Variants in NEGR1 observed in about 807,000 individuals in gnomAD.
NEGR1 encodes the protein IgLON family member 4.
NEGR1 carries 10 observed loss-of-function variants against 40.9 expected under a neutral mutation model. That is an observed-to-expected ratio of 0.24 (90% confidence interval 0.15 to 0.42). NEGR1 has a LOEUF of 0.42. NEGR1 is among the 10% of genes least tolerant of loss of function. The pLI is 1.00. For missense variants in NEGR1, 352 were observed against 438.9 expected (o/e 0.80, Z 1.77); for synonymous variants, 185 against 166.8 (o/e 1.11, Z -0.84).
chr1:71,751,567 G>C (rs1174380744), intron 3 of NEGR1, among the ~76,000 whole-genome samples: 2 of 152,068 alleles, frequency 1.3e-5, no homozygotes, highest in African/African-American at 4.8e-5. Flanking sequence ...TTTGTTTCTT[G>C]TGCTTTCTCT....
chr1:71,766,138 A>G lies in NEGR1; in HGVS notation c.535+10034T>C, dbSNP rs1360985381. Among the ~76,000 whole-genome samples the G allele has an allele frequency of 1.2e-4, 18 of 148,044 alleles. No homozygotes were observed. The Admixed American group carries it at 1.2e-3, about 10-fold the overall frequency. ...CAGTGAGCCAAGATCGTGCCACTGC[A>G]CTCCAGCCTGGGCAAGAGAGCAAGA... On this transcript the variant is annotated intron_variant, in intron 3 of 6. Transcript: ENST00000357731.
intron 5 of NEGR1, among the ~76,000 whole-genome samples, chr1:71,610,057 C>T (rs1650204631): frequency 6.6e-6 from 1 of 152,188 alleles, no homozygotes; most frequent in African/African-American, 2.4e-5. Flanking sequence ...CTGTGACCTC[C>T]CCAGCCATGT....
chr1:71,805,566 T>C (rs1052333589), intron 2 of NEGR1, among the ~76,000 whole-genome samples: 3 of 152,244 alleles, frequency 2.0e-5, no homozygotes, highest in Admixed American at 6.5e-5. Flanking sequence ...TGCACTGTTT[T>C]TGAATATCAC....
chr1:71,557,162 T>C (rs1648279565), intron 6 of NEGR1, among the ~76,000 whole-genome samples: 1 of 151,702 alleles, frequency 6.6e-6, no homozygotes, highest in African/African-American at 2.4e-5. Flanking sequence ...ATAGTTCATC[T>C]TGCACTTTTG....
chr1:71,906,038 G>A (rs1474545640), intron 2 of NEGR1, among the ~76,000 whole-genome samples: 4 of 151,984 alleles, frequency 2.6e-5, no homozygotes, highest in African/African-American at 9.7e-5. Flanking sequence ...AAGGCAAATG[G>A]CTAGCTGCAG....
At chr1:72,144,282 T>G (rs1327502370) in intron 1 of NEGR1, among the ~76,000 whole-genome samples, 2 of 151,720 alleles carry the variant, frequency 1.3e-5, no homozygotes, top group Non-Finnish European at 3.0e-5. Flanking sequence ...GCCAGGTTTG[T>G]ACTAGACTAT....
chr1:71,806,206 G>C (rs760087345), intron 2 of NEGR1, among the ~76,000 whole-genome samples: 5 of 151,714 alleles, frequency 3.3e-5, no homozygotes, highest in Non-Finnish European at 7.4e-5. Flanking sequence ...TGGCCAAGAA[G>C]ATATATTAAA....
chr1:71,792,134 AGTTTC>A (rs1657140765), intron 2 of NEGR1, among the ~76,000 whole-genome samples: 1 of 152,172 alleles, frequency 6.6e-6, no homozygotes, highest in Non-Finnish European at 1.5e-5. Flanking sequence ...GAGGGCCTGA[AGTTTC>A]ACAGGCCCAA....
chr1:72,066,848 C>G (rs1017735234), intron 1 of NEGR1, among the ~76,000 whole-genome samples: 1 of 151,954 alleles, frequency 6.6e-6, no homozygotes, highest in Non-Finnish European at 1.5e-5. Flanking sequence ...AGACACTGAC[C>G]GAGTCAAAAA....
intron 3 of NEGR1, among the ~76,000 whole-genome samples, chr1:71,759,960 A>C (rs1386217107): frequency 6.6e-6 from 1 of 152,082 alleles, no homozygotes; most frequent in Non-Finnish European, 1.5e-5. Context: ...ATAATCACTT[A>C]CATACTACTT....
In NEGR1 at chr1:71,403,882, G is replaced by T. The variant is rs1646260490; in HGVS notation, c.*3564C>A. 2.6e-6 allele frequency: 1 copy of T among 382,380 alleles called. No individual in the cohort carries two copies. Among genetic ancestry groups the T allele is most frequent in the South Asian group, 1.3e-4 (1 of 7,680 alleles). 23.7% of individuals were successfully genotyped at this position (382,380 alleles called of 1,614,324 possible). ...AAATACATATTCAAAGAATCTTAAG[G>T]CATACCATTTATTCATATTCATATC... On this transcript the variant is annotated 3_prime_UTR_variant, in exon 7 of 7. Coordinates refer to ENST00000357731, the MANE Select transcript of NEGR1 (RefSeq NM_173808.3).
intron 1 of NEGR1, among the ~76,000 whole-genome samples, chr1:72,031,094 G>T (rs1214517227): frequency 2.0e-5 from 3 of 152,164 alleles, no homozygotes; most frequent in African/African-American, 7.2e-5. Context: ...AGAAGAAAAA[G>T]AGAGAAAAAT....
At chr1:72,170,761 C>A (rs940816886) in intron 1 of NEGR1, among the ~76,000 whole-genome samples, 1 of 152,078 alleles carries the variant, frequency 6.6e-6, no homozygotes, top group Non-Finnish European at 1.5e-5. Flanking sequence ...TTTTTGTATT[C>A]ACTGTTGTTT....
At position 71,588,448 on chromosome 1, in the gene NEGR1, CA is replaced by C. The variant is rs1403777646; in HGVS notation, c.940+4368del. ...TTCCCTTCCAATTTTGTACTTTTTA[CA>C]ACATAGAAATCTTTCAGGAATTTTT... On this transcript the variant is annotated intron_variant, in intron 6 of 6. Coordinates refer to ENST00000357731, the MANE Select transcript of NEGR1 (RefSeq NM_173808.3). 3.3e-5 allele frequency among the ~76,000 whole-genome samples: 5 copies of C among 152,034 alleles called. No individual in the cohort carries two copies. The East Asian group carries it at 9.6e-4, about 29-fold the overall frequency.
intron 6 of NEGR1, among the ~76,000 whole-genome samples, chr1:71,432,892 A>G (rs1293443337): frequency 6.6e-6 from 1 of 152,212 alleles, no homozygotes. Flanking sequence ...ACATGGCTTA[A>G]TAGATTTGTA....
At chr1:71,769,913 G>A (rs543330064) in intron 3 of NEGR1, among the ~76,000 whole-genome samples, 2 of 152,226 alleles carry the variant, frequency 1.3e-5, no homozygotes, top group East Asian at 1.9e-4. Context: ...TCTGTGAATT[G>A]GGTACAATTG....
intron 1 of NEGR1, among the ~76,000 whole-genome samples, chr1:72,144,516 A>G (rs1414371263): frequency 1.3e-5 from 2 of 151,984 alleles, no homozygotes; most frequent in African/African-American, 4.8e-5. Context: ...TATAATTAAT[A>G]TGTGCATGGA....
intron 4 of NEGR1, among the ~76,000 whole-genome samples, chr1:71,683,070 A>C (rs1032598232): frequency 2.0e-5 from 3 of 152,144 alleles, no homozygotes; most frequent in Non-Finnish European, 4.4e-5. Flanking sequence ...AGAAACTCAA[A>C]ATGGACTAAG....
At chr1:72,244,387 T>G (rs1489849680) in intron 1 of NEGR1, among the ~76,000 whole-genome samples, 1 of 151,950 alleles carries the variant, frequency 6.6e-6, no homozygotes, top group Non-Finnish European at 1.5e-5. Context: ...CCAACAATAT[T>G]AACTCATACA....
Sources: allele counts gnomAD v4.1 joint callset (sites outside exome capture counted in the v4.1 genomes callset), GRCh38; gene constraint gnomAD v4.1.1; transcripts MANE v1.5; gene names NCBI Gene and HGNC (gene_info 2026-07-23, HGNC 2026-07-21).